GK: variants seen among roughly 807,000 people sequenced by gnomAD.
The protein encoded by GK is ATP:glycerol 3-phosphotransferase.
Under a neutral mutation model 56.4 loss-of-function variants are expected in GK, and 9 were observed. The observed-to-expected ratio is 0.16, with a 90% CI of 0.10 to 0.28. The LOEUF is 0.28. Among genes scored for constraint, GK ranks in the 10% least tolerant of loss-of-function variants. The pLI is 1.00. For synonymous variants in GK, 104 were observed against 144.1 expected (o/e 0.72, Z 1.99); for missense variants, 161 against 431.4 (o/e 0.37, Z 5.55).
chrX:30,712,531 A>G (rs1936375860), intron 13 of GK, among the ~76,000 whole-genome samples: 1 of 107,621 alleles, frequency 9.3e-6, no homozygotes, highest in Non-Finnish European at 1.9e-5. Context: ...TATTTTTCAC[A>G]TCCACCTGAT....
At position 30,677,259 on chromosome X, in the gene GK, AT is replaced by A. The variant is rs1350568895; in HGVS notation, c.260-109del. ...TAATATCACTACAAATGTTTCAAGT[AT>A]TTTTTTGATTTGCTATGTTTAGTTG... On this transcript the variant is annotated intron_variant, in intron 3 of 20. Coordinates refer to ENST00000427190, the MANE Select transcript of GK (RefSeq NM_001205019.2). The A allele has an allele frequency of 1.3e-5, 7 of 532,016 alleles. No homozygotes were observed. In the East Asian group the frequency reaches 2.4e-4, roughly 18 times the overall value. 43.8% of individuals were successfully genotyped at this position (532,016 alleles called of 1,213,427 possible). A position where few individuals can be genotyped will look rare whatever the true frequency, so the allele number is the denominator to read the frequency against.
At chrX:30,688,500 T>C (rs1959146931) in intron 4 of GK, among the ~76,000 whole-genome samples, 1 of 57,964 alleles carries the variant, frequency 1.7e-5, no homozygotes, top group African/African-American at 6.8e-5. Flanking sequence ...AGACTCTGTC[T>C]CAAAAAAAAA....
At chrX:30,702,031 CTTTTTATTTTTAT>C (rs1935696552) in intron 11 of GK, among the ~76,000 whole-genome samples, 1 of 109,754 alleles carries the variant, frequency 9.1e-6, no homozygotes, top group Non-Finnish European at 1.9e-5. Context: ...TTTATTTTTA[CTTTTTATTTTTAT>C]TTATTTTTTT....
Position 30,720,604 on chromosome X carries a change from G to A in GK, c.1237-17G>A. 1 of 1,189,515 alleles carries A rather than the reference G, an allele frequency of 8.4e-7. No individual in the cohort carries two copies. Among genetic ancestry groups the A allele is most frequent in the Non-Finnish European group, 1.1e-6 (1 of 876,161 alleles). On this transcript the variant is annotated splice_polypyrimidine_tract_variant and intron_variant, in intron 16 of 20. Coordinates refer to ENST00000427190, the MANE Select transcript of GK (RefSeq NM_001205019.2). Reference sequence around the variant, plus strand: ...ATGAAATAGATTTATAACATTAATTGCACTGGTTTATTTAAGATTTTGGAT... The same window carrying A: ...ATGAAATAGATTTATAACATTAATTACACTGGTTTATTTAAGATTTTGGAT...
At chrX:30,680,451 G>C (rs1383274409) in intron 4 of GK, among the ~76,000 whole-genome samples, 1 of 111,997 alleles carries the variant, frequency 8.9e-6, no homozygotes, top group Non-Finnish European at 1.9e-5. Context: ...AGGATATAGA[G>C]GGGGCTGAAA....
intron 2 of GK, 142 bp downstream of exon 2, chrX:30,665,726 T>G: frequency 4.4e-6 from 2 of 459,151 alleles, no homozygotes; most frequent in Non-Finnish European, 3.9e-6. Context: ...CAAGAAAATA[T>G]GCAATAACTT....
chrX:30,700,507 C>T, intron 10 of GK, 58 bp downstream of exon 10: 1 of 952,349 alleles, frequency 1.1e-6, no homozygotes, highest in Non-Finnish European at 1.5e-6. Flanking sequence ...TATGGCTTTC[C>T]TCCTCTTAGT....
intron 11 of GK, among the ~76,000 whole-genome samples, chrX:30,705,917 G>C: frequency 8.9e-6 from 1 of 112,093 alleles, no homozygotes; most frequent in East Asian, 2.8e-4. Flanking sequence ...GTACGCTACT[G>C]TTCAGTATAG....
intron 10 of GK, 45 bp from the exon 11 acceptor site, chrX:30,700,793 A>G (rs757936617): frequency 1.6e-5 from 13 of 817,010 alleles, no homozygotes; most frequent in Non-Finnish European, 2.2e-5. Context: ...GAAAGTTAAT[A>G]CTATTGTATT....
At chrX:30,705,565 C>A (rs935905477) in intron 11 of GK, among the ~76,000 whole-genome samples, 1 of 112,057 alleles carries the variant, frequency 8.9e-6, no homozygotes, top group African/African-American at 3.2e-5. Context: ...TGAAGGAGAG[C>A]AAGCAACGTT....
At chrX:30,662,835 T>TCTCTCTCTC (rs1569141144) in intron 1 of GK, among the ~76,000 whole-genome samples, 3 of 31,428 alleles carry the variant, frequency 9.5e-5, no homozygotes, top group Non-Finnish European at 1.6e-4. Context: ...CTCTCTCTCT[T>TCTCTCTCTC]TCTTTCTTTC....
chrX:30,682,923 A>G (rs1453887313), intron 4 of GK, among the ~76,000 whole-genome samples: 1 of 110,621 alleles, frequency 9.0e-6, no homozygotes, highest in Non-Finnish European at 1.9e-5. Context: ...AAAAGAAAGT[A>G]AGCTCTCTCT....
chrX:30,678,671 G>GT (rs35987506), intron 4 of GK, among the ~76,000 whole-genome samples: 14,376 of 85,618 alleles, frequency 0.17, 1,152 homozygotes, highest in Non-Finnish European at 0.21. Flanking sequence ...TTTCTGTGGT[G>GT]TTTTTTTTTT....
intron 3 of GK, among the ~76,000 whole-genome samples, chrX:30,672,599 A>C (rs1367482664): frequency 6.2e-5 from 7 of 112,089 alleles, no homozygotes; most frequent in Non-Finnish European, 9.4e-5. Context: ...GGATCACCTG[A>C]GGTCTGGAGT....
At chrX:30,678,244 TA>T in intron 4 of GK, 1 of 384,610 alleles carries the variant, frequency 2.6e-6, no homozygotes, top group Non-Finnish European at 4.5e-6. Flanking sequence ...AGCAGGGATT[TA>T]AAAAACCCCA....
intron 4 of GK, among the ~76,000 whole-genome samples, chrX:30,681,504 A>G (rs1298069269): frequency 8.9e-6 from 1 of 112,077 alleles, no homozygotes. Flanking sequence ...TTGTAATTGG[A>G]CTTCCAGAAG....
At position 30,723,186 on chromosome X, in the gene GK, G is replaced by A. The variant is rs1245988729; in HGVS notation, c.1502-915G>A. 3.6e-5 allele frequency among the ~76,000 whole-genome samples: 4 copies of A among 111,109 alleles called. No individual in the cohort carries two copies. In the East Asian group the frequency reaches 8.6e-4, roughly 24 times the overall value. On this transcript the variant is annotated intron_variant, in intron 18 of 20. Transcript: ENST00000427190. ...CGAGGCGGGCGGATCACGAGGTCAG[G>A]AGATCAAGACCATCCTGGCTAGCAC...
rs776920083 is a variant in GK at position 30,668,163 on chromosome X, T to C, written c.259+45T>C. The C allele has an allele frequency of 3.4e-5, 23 of 686,031 alleles. No individual in the cohort carries two copies. The East Asian group carries it at 7.5e-4, about 22-fold the overall frequency. 56.5% of individuals were successfully genotyped at this position (686,031 alleles called of 1,213,427 possible). ...TACCCACATAATAAGACTCTCTCAA[T>C]CAAATTCATTAATTTATTCTTTCAG... On this transcript the variant is annotated intron_variant, in intron 3 of 20. Transcript: ENST00000427190.
chrX:30,721,075 T>C (rs1251333327), intron 18 of GK, 80 bp downstream of exon 18: 13 of 990,219 alleles, frequency 1.3e-5, no homozygotes, highest in Non-Finnish European at 1.6e-5. Context: ...TTCTGTTTAG[T>C]TAAAAGTTAA....
Sources: allele counts gnomAD v4.1 joint callset (sites outside exome capture counted in the v4.1 genomes callset), GRCh38; gene constraint gnomAD v4.1.1; transcripts MANE v1.5; gene names NCBI Gene and HGNC (gene_info 2026-07-23, HGNC 2026-07-21).